The following MCU variants were observed in gnomAD, a reference collection of about 807,000 sequenced individuals.
MCU encodes calcium uniporter protein, mitochondrial.
A neutral mutation model predicts 45.2 loss-of-function variants in MCU; 12 were observed. The ratio of observed to expected loss-of-function variants is 0.27; its 90% confidence interval spans 0.17 to 0.43. The LOEUF (loss-of-function observed/expected upper bound fraction) is 0.43, where lower values mean the gene tolerates loss of function less well. Ranked by LOEUF, MCU falls within the 20% of genes least tolerant of loss-of-function variation. The pLI is 1.00. For missense variants in MCU, 324 were observed against 436.7 expected (o/e 0.74, Z 2.30); for synonymous variants, 160 against 165.1 (o/e 0.97, Z 0.24).
At chr10:72,693,840 G>A (rs1461748617) in intron 1 of MCU, among the ~76,000 whole-genome samples, 4 of 152,112 alleles carry the variant, frequency 2.6e-5, no homozygotes, top group Non-Finnish European at 5.9e-5. Context: ...TCCCCTTTCC[G>A]TCGAACTACT....
At chr10:72,755,414 C>G (rs1290148035) in intron 1 of MCU, among the ~76,000 whole-genome samples, 1 of 152,152 alleles carries the variant, frequency 6.6e-6, no homozygotes, top group Admixed American at 6.5e-5. Context: ...TCCCAAAGTG[C>G]TGGGATTACA....
At chr10:72,814,083 A>G (rs1374738014) in intron 1 of MCU, among the ~76,000 whole-genome samples, 1 of 152,218 alleles carries the variant, frequency 6.6e-6, no homozygotes, top group Non-Finnish European at 1.5e-5. Flanking sequence ...AGGGGATGGA[A>G]AAGTAAAGGC....
At chr10:72,782,069 G>T (rs989805731) in intron 1 of MCU, among the ~76,000 whole-genome samples, 4 of 152,100 alleles carry the variant, frequency 2.6e-5, no homozygotes, top group African/African-American at 9.7e-5. Flanking sequence ...CTGCCCCAGA[G>T]CTCTCCTTCA....
chr10:72,796,214 G>A (rs1844243328), intron 1 of MCU, among the ~76,000 whole-genome samples: 1 of 152,138 alleles, frequency 6.6e-6, no homozygotes, highest in African/African-American at 2.4e-5. Flanking sequence ...CAGTGTGGGA[G>A]GATGGCTTGA....
intron 1 of MCU, among the ~76,000 whole-genome samples, chr10:72,761,724 G>A (rs1421289634): frequency 6.6e-6 from 1 of 152,050 alleles, no homozygotes; most frequent in African/African-American, 2.4e-5. Flanking sequence ...TAACATAGAT[G>A]GTTACATAGT....
intron 1 of MCU, among the ~76,000 whole-genome samples, chr10:72,739,393 G>C (rs969188376): frequency 1.3e-5 from 2 of 152,102 alleles, no homozygotes; most frequent in African/African-American, 4.8e-5. Context: ...TCCTGTATTG[G>C]GAATTGGAAA....
At chr10:72,791,398 T>G (rs1221968246) in intron 1 of MCU, among the ~76,000 whole-genome samples, 4 of 152,198 alleles carry the variant, frequency 2.6e-5, no homozygotes, top group Non-Finnish European at 5.9e-5. Flanking sequence ...ATTTTTACTC[T>G]CTTCACAACC....
chr10:72,791,806 GTTTTC>G (rs1207574933), intron 1 of MCU, among the ~76,000 whole-genome samples: 2 of 148,580 alleles, frequency 1.3e-5, no homozygotes, highest in African/African-American at 2.5e-5. Flanking sequence ...TTCTGAACAT[GTTTTC>G]TTTTATGTAG....
intron 1 of MCU, among the ~76,000 whole-genome samples, chr10:72,810,566 G>C (rs971508805): frequency 2.7e-5 from 4 of 146,416 alleles, no homozygotes; most frequent in Non-Finnish European, 1.5e-5. Flanking sequence ...CTCCCGGGTT[G>C]AAGTGATTCT....
At chr10:72,851,700 A>G (rs898457513) in intron 2 of MCU, among the ~76,000 whole-genome samples, 2 of 152,132 alleles carry the variant, frequency 1.3e-5, no homozygotes, top group African/African-American at 4.8e-5. Context: ...GGGAAGTTGC[A>G]AATCTTGTGA....
At chr10:72,714,792 C>T (rs924775811) in intron 1 of MCU, among the ~76,000 whole-genome samples, 1 of 152,096 alleles carries the variant, frequency 6.6e-6, no homozygotes, top group East Asian at 1.9e-4. Flanking sequence ...GATCTGCCCC[C>T]CCCTTGGCCT....
At chr10:72,833,461 GA>G in intron 1 of MCU, among the ~76,000 whole-genome samples, 1 of 152,250 alleles carries the variant, frequency 6.6e-6, no homozygotes, top group South Asian at 2.1e-4. Context: ...TCAGCACAAA[GA>G]AAAATCATTT....
chr10:72,720,264 C>G (rs1382511446), intron 1 of MCU, among the ~76,000 whole-genome samples: 2 of 152,108 alleles, frequency 1.3e-5, no homozygotes, highest in East Asian at 3.9e-4. Flanking sequence ...TGCACCAGTC[C>G]TATAAAGTAG....
At position 72,739,615 on chromosome 10, in the gene MCU, G is replaced by A. The variant is rs899565092; in HGVS notation, c.150+47314G>A. On this transcript the variant is annotated intron_variant, in intron 1 of 7. Transcript: ENST00000373053. ...AAGTCTGACTTTTTCCAGGGGTACC[G>A]CTTTAGGGGTATGTGATTATTCAGC... 3.3e-5 allele frequency among the ~76,000 whole-genome samples: 5 copies of A among 151,974 alleles called. 1 individual carries two copies. The highest frequency in any genetic ancestry group is 7.4e-5 in the Non-Finnish European group (5 of 68,004).
At chr10:72,723,423 G>A (rs887696229) in intron 1 of MCU, among the ~76,000 whole-genome samples, 3 of 151,940 alleles carry the variant, frequency 2.0e-5, no homozygotes, top group African/African-American at 7.2e-5. Context: ...AAATTGAGAT[G>A]TACAGAAAAA....
chr10:72,738,918 A>T (rs1004707470), intron 1 of MCU, among the ~76,000 whole-genome samples: 2 of 152,090 alleles, frequency 1.3e-5, no homozygotes, highest in Non-Finnish European at 2.9e-5. Flanking sequence ...CTACTGGTCA[A>T]AATGCTCGGT....
intron 5 of MCU, among the ~76,000 whole-genome samples, 197 bp from the exon 6 acceptor site, chr10:72,871,180 G>T (rs1279225143): frequency 6.6e-6 from 1 of 152,194 alleles, no homozygotes; most frequent in Non-Finnish European, 1.5e-5. Flanking sequence ...GATTACAGAT[G>T]TGAGCCACTG....
At chr10:72,842,854 A>G (rs1169414920) in intron 2 of MCU, among the ~76,000 whole-genome samples, 1 of 149,622 alleles carries the variant, frequency 6.7e-6, no homozygotes, top group East Asian at 1.9e-4. Context: ...TAATTATAAA[A>G]TTATAAATAA....
chr10:72,778,858 A>T (rs2132748258), intron 1 of MCU, among the ~76,000 whole-genome samples: 1 of 152,328 alleles, frequency 6.6e-6, no homozygotes, highest in Non-Finnish European at 1.5e-5. Context: ...AAACCGAAAA[A>T]AAAAATTTCA....
Sources: allele counts gnomAD v4.1 joint callset (sites outside exome capture counted in the v4.1 genomes callset), GRCh38; gene constraint gnomAD v4.1.1; transcripts MANE v1.5; gene names NCBI Gene and HGNC (gene_info 2026-07-23, HGNC 2026-07-21).